Variants in SVOP observed in about 807,000 individuals in gnomAD.
The protein encoded by SVOP is SV2 related protein, also known as synaptic vesicle 2-related protein.
SVOP carries 17 observed loss-of-function variants against 69.1 expected under a neutral mutation model. The observed-to-expected ratio is 0.25, with a 90% CI of 0.17 to 0.37. The LOEUF (loss-of-function observed/expected upper bound fraction) is 0.37. SVOP is among the 10% of genes least tolerant of loss of function. SVOP has a pLI of 1.00. For missense variants in SVOP, 435 were observed against 597.5 expected, an observed-to-expected ratio of 0.73 and a Z score of 2.84; for synonymous variants, 238 against 238.6, an observed-to-expected ratio of 1.00 and a Z score of 0.02.
At chr12:109,008,492 G>T (rs2040322285) in intron 1 of SVOP, among the ~76,000 whole-genome samples, 1 of 152,128 alleles carries the variant, frequency 6.6e-6, no homozygotes, top group African/African-American at 2.4e-5. Context: ...TTATTTATTT[G>T]CATTTTTCTG....
In SVOP at chr12:108,912,037, A is replaced by G; in HGVS notation, c.*498T>C. 4.5e-6 allele frequency: 2 copies of G among 443,028 alleles called. No individual in the cohort carries two copies. The highest frequency in any genetic ancestry group is 6.0e-6 in the Non-Finnish European group (2 of 333,570). The allele number at this position is 443,028 out of a possible 1,614,324, so 27.4% of individuals were successfully genotyped here. On this transcript the variant is annotated 3_prime_UTR_variant, in exon 16 of 16. Transcript: ENST00000610966. ...GCAAACCGGGGGGCCCCTGCCAGGA[A>G]ATAGCTGCTCAGACCACACCTAGAT...
At chr12:108,996,238 G>A (rs1018885070) in intron 1 of SVOP, among the ~76,000 whole-genome samples, 7 of 152,144 alleles carry the variant, frequency 4.6e-5, no homozygotes, top group African/African-American at 1.7e-4. Context: ...GGTCCTGTGA[G>A]CTAGGTCCTC....
chr12:108,934,132 A>G, intron 11 of SVOP, 63 bp downstream of exon 11: 2 of 1,427,414 alleles, frequency 1.4e-6, no homozygotes, highest in Non-Finnish European at 1.9e-6. Flanking sequence ...GAGTGTGTGC[A>G]TGACTGTGTA....
intron 14 of SVOP, among the ~76,000 whole-genome samples, chr12:108,916,939 G>A (rs549564935): frequency 6.6e-6 from 1 of 152,286 alleles, no homozygotes; most frequent in South Asian, 2.1e-4. Context: ...TAGGGATGAG[G>A]TTTCACCATG....
chr12:108,944,895 T>C lies in SVOP; in HGVS notation c.642+208A>G, dbSNP rs144748104. On this transcript the variant is annotated intron_variant, in intron 7 of 15. Coordinates refer to ENST00000610966, the MANE Select transcript of SVOP (RefSeq NM_018711.5). The stretch of plus-strand genomic sequence containing the variant: ...ACTTCTTTTTTTGAGGGACGATAGA[T>C]TGAATGTTTTTGTCAATTGAAGAAT... Among the ~76,000 whole-genome samples the C allele has an allele frequency of 2.5e-3, 376 of 152,262 alleles. 2 individuals carry two copies. Among genetic ancestry groups the C allele is most frequent in the African/African-American group, 8.9e-3 (368 of 41,548 alleles).
chr12:108,913,719 G>T, intron 15 of SVOP, among the ~76,000 whole-genome samples: 1 of 152,116 alleles, frequency 6.6e-6, no homozygotes, highest in East Asian at 1.9e-4. Flanking sequence ...TGCAATCTTG[G>T]CTCACTGCAA....
At chr12:108,965,774 G>A (rs576105627) in intron 5 of SVOP, among the ~76,000 whole-genome samples, 10 of 152,210 alleles carry the variant, frequency 6.6e-5, no homozygotes, top group South Asian at 2.1e-4. Context: ...TTTACAGGTC[G>A]AGGAGGCCCA....
rs140600002 is a variant in SVOP, at chr12:108,922,860, G to T, written c.1049-63C>A. 1.1e-3 allele frequency: 1,295 copies of T among 1,147,382 alleles called. 6 individuals are homozygous for T. In the African/African-American group the frequency reaches 0.017, roughly 15 times the overall value. 71.1% of individuals were successfully genotyped at this position (1,147,382 alleles called of 1,614,324 possible). Reference sequence around the variant, plus strand: ...ACAGAGTCTTGAATCACACCTTCCTGCTCCCCATACCTCCTTCCCTGGGGT... The same window carrying T: ...ACAGAGTCTTGAATCACACCTTCCTTCTCCCCATACCTCCTTCCCTGGGGT... On this transcript the variant is annotated intron_variant, in intron 11 of 15. Coordinates refer to ENST00000610966, the MANE Select transcript of SVOP (RefSeq NM_018711.5).
intron 2 of SVOP, among the ~76,000 whole-genome samples, chr12:108,979,700 G>A (rs1318884932): frequency 6.6e-6 from 1 of 152,050 alleles, no homozygotes. Context: ...AGCAGGGGAA[G>A]TAAGACTGAG....
At chr12:108,926,996 C>T (rs1243442326) in intron 11 of SVOP, among the ~76,000 whole-genome samples, 8 of 152,154 alleles carry the variant, frequency 5.3e-5, no homozygotes, top group African/African-American at 1.2e-4. Flanking sequence ...TTATGGCTTT[C>T]GAAGATAAAA....
chr12:109,001,096 T>A (rs1237674239), intron 1 of SVOP, among the ~76,000 whole-genome samples: 2 of 150,282 alleles, frequency 1.3e-5, no homozygotes, highest in Non-Finnish European at 3.0e-5. Flanking sequence ...CTTAAGCTGA[T>A]AAGCAACTTC....
At chr12:108,956,551 G>T (rs2039986972) in intron 6 of SVOP, among the ~76,000 whole-genome samples, 2 of 152,126 alleles carry the variant, frequency 1.3e-5, no homozygotes, top group Admixed American at 1.3e-4. Flanking sequence ...CATGTCACTT[G>T]GTAGCAACTT....
chr12:108,929,003 TC>T (rs902835719), intron 11 of SVOP, among the ~76,000 whole-genome samples: 3 of 152,118 alleles, frequency 2.0e-5, no homozygotes, highest in Non-Finnish European at 4.4e-5. Flanking sequence ...TTGCTGACTT[TC>T]CCCCAGTTTG....
rs560047972 is a variant in SVOP, at chr12:108,916,713, C to T, written c.1351-841G>A. On this transcript the variant is annotated intron_variant, in intron 14 of 15. Transcript: ENST00000610966. ...AAAGCTGTCCCCCAACCTAGAACAC[C>T]CATATTGGACTCTTTTATTTTATAG... is the stretch of plus-strand genomic sequence containing the variant. 3.3e-5 allele frequency among the ~76,000 whole-genome samples: 5 copies of T among 152,294 alleles called. No homozygotes were observed. The South Asian group carries it at 6.2e-4, about 19-fold the overall frequency.
intron 1 of SVOP, among the ~76,000 whole-genome samples, chr12:108,990,857 G>A (rs903946836): frequency 4.6e-5 from 7 of 152,130 alleles, no homozygotes; most frequent in African/African-American, 1.4e-4. Context: ...GCTGGGCCCC[G>A]CCCCCAGAAG....
At chr12:108,922,624 C>T (rs2137391592) in intron 12 of SVOP, 66 bp downstream of exon 12, 2 of 1,227,928 alleles carry the variant, frequency 1.6e-6, no homozygotes, top group Non-Finnish European at 2.4e-6. Flanking sequence ...GACAGAGCCA[C>T]CAGCTGAACA....
chr12:108,935,797 G>A (rs1384590182), intron 10 of SVOP, among the ~76,000 whole-genome samples: 1 of 152,136 alleles, frequency 6.6e-6, no homozygotes, highest in East Asian at 1.9e-4. Flanking sequence ...TCATTGTGGA[G>A]TTTAAGGTGA....
chr12:108,988,764 TTCTC>T (rs1226141916), intron 1 of SVOP, among the ~76,000 whole-genome samples: 2 of 129,638 alleles, frequency 1.5e-5, no homozygotes, highest in Non-Finnish European at 3.1e-5. Context: ...CTTACTTCTT[TTCTC>T]TCTTTTTTTT....
rs941748275 is a variant in SVOP at position 108,909,841 on chromosome 12, C to T, written c.*2694G>A. 2 of 152,170 alleles carry T rather than the reference C, an allele frequency of 1.3e-5. No individual in the cohort carries two copies. The highest frequency in any genetic ancestry group is 4.8e-5 in the African/African-American group (2 of 41,446). 9.4% of individuals were successfully genotyped at this position (152,170 alleles called of 1,614,324 possible). A position where few individuals can be genotyped will look rare whatever the true frequency, so the allele number is the denominator to read the frequency against. On this transcript the variant is annotated 3_prime_UTR_variant, in exon 16 of 16. Transcript: ENST00000610966. The stretch of plus-strand genomic sequence containing the variant: ...GTTCAAAATTAGATACAAATGTTCT[C>T]AGCTAAAGGTCTCACATATTCAGAA...
Sources: gnomAD v4.1 joint callset for allele counts (sites outside exome capture counted in the v4.1 genomes callset) on GRCh38, gnomAD v4.1.1 for gene constraint, MANE v1.5 for transcripts, NCBI Gene and HGNC (gene_info 2026-07-23, HGNC 2026-07-21) for gene names.